EDARADD: variants seen among roughly 807,000 people sequenced by gnomAD.
EDARADD encodes EDAR associated via death domain.
Under a neutral mutation model 25.6 loss-of-function variants are expected in EDARADD, and 20 were observed. The ratio of observed to expected loss-of-function variants is 0.78; its 90% CI spans 0.55 to 1.14. The LOEUF is 1.14. Ranked by LOEUF, EDARADD falls within the 50% of genes most tolerant of loss-of-function variation. EDARADD has a pLI of 0.00. For synonymous variants in EDARADD, 86 were observed against 94.4 expected (o/e 0.91, Z 0.52); for missense variants, 225 against 270.1 (o/e 0.83, Z 1.17).
intron 3 of EDARADD, among the ~76,000 whole-genome samples, chr1:236,378,851 A>T (rs952789298): frequency 6.6e-6 from 1 of 151,972 alleles, no homozygotes; most frequent in Non-Finnish European, 1.5e-5. Flanking sequence ...TCTTTTTTGG[A>T]TTATTTTCTT....
chr1:236,363,461 AATCCC>A (rs1667078435), intron 3 of EDARADD, among the ~76,000 whole-genome samples: 1 of 151,550 alleles, frequency 6.6e-6, no homozygotes, highest in Non-Finnish European at 1.5e-5. Context: ...TCATGCCTGT[AATCCC>A]AGCACTTTGG....
At chr1:236,408,283 A>G (rs1667773377) in intron 1 of EDARADD, among the ~76,000 whole-genome samples, 1 of 151,894 alleles carries the variant, frequency 6.6e-6, no homozygotes, top group Admixed American at 6.6e-5. Context: ...GCTCACTGCA[A>G]CCTCCACCTC....
In EDARADD at chr1:236,398,046, A is replaced by G. The variant is rs1004969632; in HGVS notation, c.61+3541A>G. Among the ~76,000 whole-genome samples the G allele has an allele frequency of 3.9e-5, 6 of 152,102 alleles. No individual in the cohort carries two copies. Among genetic ancestry groups the G allele is most frequent in the Admixed American group, 6.5e-5 (1 of 15,274 alleles). On this transcript the variant is annotated intron_variant, in intron 1 of 5. Coordinates refer to ENST00000334232, the MANE Select transcript of EDARADD (RefSeq NM_145861.4). The surrounding 1 kb of genome is among the most constrained non-coding windows in gnomAD (Gnocchi z 4.1). ...CGCCTGGTGTTTTCACACCATTCCA[A>G]CGTAGGTTTTCACACCCACTCTTGC...
chr1:236,420,821 A>AAC (rs572326029), intron 3 of EDARADD, among the ~76,000 whole-genome samples: 5 of 146,914 alleles, frequency 3.4e-5, no homozygotes, highest in Admixed American at 2.1e-4. Context: ...GGCTCACTGC[A>AAC]CTCCTGAGTT....
chr1:236,457,109 T>G (rs1658890427), intron 4 of EDARADD, among the ~76,000 whole-genome samples: 1 of 152,182 alleles, frequency 6.6e-6, no homozygotes, highest in Non-Finnish European at 1.5e-5. Flanking sequence ...AAATGATATT[T>G]TTTAAAAAAA....
At chr1:236,441,688 C>T (rs2103022615) in intron 4 of EDARADD, among the ~76,000 whole-genome samples, 1 of 151,772 alleles carries the variant, frequency 6.6e-6, no homozygotes, top group Middle Eastern at 3.4e-3. Context: ...GCCCACCACA[C>T]GTGGCTAATT....
chr1:236,395,286 C>G lies in EDARADD; in HGVS notation c.61+781C>G, dbSNP rs1667492948. ...GTGGGTACCGGGCAGGACGCGCGCTCTGGGCGCTGGGGACGCCCGGGACAC... is the reference window on the plus strand; with the variant it reads ...GTGGGTACCGGGCAGGACGCGCGCTGTGGGCGCTGGGGACGCCCGGGACAC... On this transcript the variant is annotated intron_variant, in intron 1 of 5. Transcript: ENST00000334232. The surrounding 1 kb of genome is among the most constrained non-coding windows in gnomAD (Gnocchi z 6.9). 1 of 1,112,720 alleles carries G rather than the reference C, an allele frequency of 9.0e-7. No homozygotes were observed. Among genetic ancestry groups the G allele is most frequent in the African/African-American group, 1.7e-5 (1 of 59,224 alleles). 68.9% of individuals were successfully genotyped at this position (1,112,720 alleles called of 1,614,324 possible).
At chr1:236,446,402 T>A (rs1658539149) in intron 4 of EDARADD, among the ~76,000 whole-genome samples, 1 of 151,834 alleles carries the variant, frequency 6.6e-6, no homozygotes, top group Non-Finnish European at 1.5e-5. Context: ...ATAAAAAAAA[T>A]TTAGCTGGGG....
chr1:236,425,935 T>C (rs1036159973), intron 3 of EDARADD, among the ~76,000 whole-genome samples: 5 of 151,992 alleles, frequency 3.3e-5, no homozygotes, highest in Non-Finnish European at 7.4e-5. Flanking sequence ...TCCTGTTCAT[T>C]ATGCCAGTTG....
intron 3 of EDARADD, among the ~76,000 whole-genome samples, chr1:236,382,853 A>T (rs1667316912): frequency 6.6e-6 from 1 of 152,160 alleles, no homozygotes; most frequent in Non-Finnish European, 1.5e-5. Flanking sequence ...AAGTTCCCAC[A>T]TGGTTCTTTC....
chr1:236,415,262 C>G (rs894065376), intron 3 of EDARADD, among the ~76,000 whole-genome samples: 2 of 152,076 alleles, frequency 1.3e-5, no homozygotes, highest in Non-Finnish European at 2.9e-5. Context: ...TTTGCCCAAA[C>G]CACTGTTCTG....
chr1:236,407,202 T>C lies in EDARADD; in HGVS notation c.62-2014T>C, dbSNP rs142451884. On this transcript the variant is annotated intron_variant, in intron 1 of 5. Coordinates refer to ENST00000334232, the MANE Select transcript of EDARADD (RefSeq NM_145861.4). Reference sequence around the variant, plus strand: ...GAAGTCCCTTGAGACCCAGCAGCCCTCTGTTTCTGTGCTGGACACAGGGCA... The same window carrying C: ...GAAGTCCCTTGAGACCCAGCAGCCCCCTGTTTCTGTGCTGGACACAGGGCA... Among the ~76,000 whole-genome samples the C allele has an allele frequency of 3.3e-3, 509 of 152,318 alleles. 3 individuals carry two copies. Among genetic ancestry groups the C allele is most frequent in the Middle Eastern group, 0.017 (5 of 294 alleles).
intron 3 of EDARADD, among the ~76,000 whole-genome samples, chr1:236,385,734 AAG>A (rs976486514): frequency 2.0e-5 from 3 of 152,168 alleles, no homozygotes; most frequent in Non-Finnish European, 2.9e-5. Flanking sequence ...CAAAAAAAAA[AAG>A]AAAGCTCTTC....
chr1:236,370,415 T>C (rs639960), intron 3 of EDARADD, among the ~76,000 whole-genome samples: 35,386 of 151,990 alleles, frequency 0.23, 4,308 homozygotes, highest in East Asian at 0.38. Context: ...AGCAAAACTC[T>C]GTCTCCAAAA....
At chr1:236,429,703 A>C (rs1227363515) in intron 4 of EDARADD, among the ~76,000 whole-genome samples, 1 of 151,990 alleles carries the variant, frequency 6.6e-6, no homozygotes, top group East Asian at 1.9e-4. Flanking sequence ...CATTATTTTA[A>C]AGTTCAAGTT....
rs555465876 is a variant in EDARADD, at chr1:236,418,827, G to C, written c.160+4528G>C. Among the ~76,000 whole-genome samples, 4 of 152,154 alleles carry C rather than the reference G, an allele frequency of 2.6e-5. No homozygotes were observed. The South Asian group carries it at 8.3e-4, about 32-fold the overall frequency. ...TGTGAAGAGTTGTCCCTGTTCCCAC[G>C]GGAAACTCCTCATCCTCCCACCTGT... On this transcript the variant is annotated intron_variant, in intron 3 of 5. Coordinates refer to ENST00000334232, the MANE Select transcript of EDARADD (RefSeq NM_145861.4).
In EDARADD at chr1:236,444,430, C is replaced by CT. The variant is rs1281768544; in HGVS notation, c.219+16988dup. Among the ~76,000 whole-genome samples the CT allele has an allele frequency of 9.2e-5, 14 of 151,904 alleles. No individual in the cohort carries two copies. The South Asian group carries it at 1.7e-3, about 18-fold the overall frequency. Reference sequence around the variant, plus strand: ...GATTCTCCTGTCTTGACTCTCCCATCTTTTTTTTGAAATGGAGTTTCACTT... The same window carrying CT: ...GATTCTCCTGTCTTGACTCTCCCATCTTTTTTTTTGAAATGGAGTTTCACTT... On this transcript the variant is annotated intron_variant, in intron 4 of 5. Coordinates refer to ENST00000334232, the MANE Select transcript of EDARADD (RefSeq NM_145861.4).
chr1:236,470,142 C>A (rs947888348), intron 5 of EDARADD, among the ~76,000 whole-genome samples: 4 of 152,146 alleles, frequency 2.6e-5, no homozygotes, highest in Non-Finnish European at 4.4e-5. Context: ...AAATTTCTAA[C>A]ATGAGCTGGT....
intron 1 of EDARADD, among the ~76,000 whole-genome samples, chr1:236,404,151 T>C (rs1402348361): frequency 1.3e-5 from 2 of 152,174 alleles, no homozygotes; most frequent in African/African-American, 4.8e-5. Context: ...TCCTATTAGA[T>C]ATCAGAGCCT....
Sources: gnomAD v4.1 joint callset for allele counts (sites outside exome capture counted in the v4.1 genomes callset) on GRCh38, gnomAD v4.1.1 for gene constraint, Gnocchi (gnomAD v3.1) non-coding constraint, MANE v1.5 for transcripts, NCBI Gene and HGNC (gene_info 2026-07-23, HGNC 2026-07-21) for gene names.